Variants in TNRC6A observed in about 807,000 individuals in gnomAD.
TNRC6A encodes the protein trinucleotide repeat-containing gene 6A protein.
A neutral mutation model predicts 221.2 loss-of-function variants in TNRC6A; 44 were observed. The ratio of observed to expected loss-of-function variants is 0.20; its 90% confidence interval spans 0.16 to 0.26. The LOEUF is 0.26. Among genes scored for constraint, TNRC6A ranks in the 10% least tolerant of loss-of-function variants. The pLI is 1.00. For synonymous variants in TNRC6A, 847 were observed against 838.5 expected (o/e 1.01, Z -0.18); for missense variants, 2,199 against 2,404.4 (o/e 0.91, Z 1.79).
Position 24,777,058 on chromosome 16 carries a change from C to T in TNRC6A, c.289C>T (p.Gln97Ter). The change falls in exon 5 of 25, where the codon CAG becomes TAG. Residue 97 changes from glutamine to a stop codon, truncating the protein, a stop_gained. Transcript: ENST00000395799. LOFTEE classifies it high-confidence loss of function. ...RATANNQQPQ[Q>*]QQQQQQPQQQ... is the part of the protein sequence containing the mutation. ...TACAGCCAACAATCAGCAGCCACAGCAGCAGCAGCAACAGCAGCAGCCGCA... is the reference window on the plus strand; with the variant it reads ...TACAGCCAACAATCAGCAGCCACAGTAGCAGCAGCAACAGCAGCAGCCGCA... 1 of 1,607,888 alleles carries T rather than the reference C, an allele frequency of 6.2e-7. No homozygotes were observed. Among genetic ancestry groups the T allele is most frequent in the Non-Finnish European group, 8.5e-7 (1 of 1,175,558 alleles).
At chr16:24,647,759 G>A (rs909655273) in intron 2 of TNRC6A, among the ~76,000 whole-genome samples, 13 of 152,120 alleles carry the variant, frequency 8.5e-5, no homozygotes, top group East Asian at 3.9e-4. Context: ...TTACAGGCAC[G>A]CGCCACCATG....
chr16:24,709,257 CAA>C (rs34362957), intron 2 of TNRC6A, among the ~76,000 whole-genome samples: 21 of 146,098 alleles, frequency 1.4e-4, no homozygotes, highest in East Asian at 4.0e-4. Flanking sequence ...AACTCTGTCT[CAA>C]AAAAAAAAAA....
chr16:24,686,576 A>G (rs1391948510), intron 2 of TNRC6A, among the ~76,000 whole-genome samples: 2 of 152,076 alleles, frequency 1.3e-5, no homozygotes, highest in Non-Finnish European at 2.9e-5. Context: ...TTCATTTGTC[A>G]GTCATTTGAT....
Position 24,824,524 on chromosome 16 carries a change from G to A in TNRC6A, c.*717G>A, listed in dbSNP as rs1487190785. 1 of 151,656 alleles carries A rather than the reference G, an allele frequency of 6.6e-6. No individual in the cohort carries two copies. Among genetic ancestry groups the A allele is most frequent in the African/African-American group, 2.4e-5 (1 of 41,040 alleles). 9.4% of individuals were successfully genotyped at this position (151,656 alleles called of 1,614,324 possible). A position where few individuals can be genotyped will look rare whatever the true frequency, so the allele number is the denominator to read the frequency against. On this transcript the variant is annotated 3_prime_UTR_variant, in exon 25 of 25. Coordinates refer to ENST00000395799, the MANE Select transcript of TNRC6A (RefSeq NM_014494.4). ...GCACTTTGAATAGGCTTTCCATTTTGTTTTGGAGGTTCTCACTTTGAACCT... is the reference window on the plus strand; with the variant it reads ...GCACTTTGAATAGGCTTTCCATTTTATTTTGGAGGTTCTCACTTTGAACCT...
intron 18 of TNRC6A, among the ~76,000 whole-genome samples, chr16:24,810,361 A>AATGT (rs989466920): frequency 3.3e-5 from 5 of 152,046 alleles, no homozygotes; most frequent in African/African-American, 4.8e-5. Flanking sequence ...CTTACAGTTG[A>AATGT]ATGTATGTAT....
Position 24,777,096 on chromosome 16 carries a change from A to ACAGCAGCAGCCGCAGCAGCAGCAGCCG in TNRC6A, c.338_339insGCAGCAGCAGCAGCCGCAGCAGCAGCC (p.Gln106_Gln114dup). The ACAGCAGCAGCCGCAGCAGCAGCAGCCG allele has an allele frequency of 1.4e-6, 2 of 1,445,234 alleles. No individual in the cohort carries two copies. Among genetic ancestry groups the ACAGCAGCAGCCGCAGCAGCAGCAGCCG allele is most frequent in the Non-Finnish European group, 1.9e-6 (2 of 1,033,520 alleles). 89.5% of individuals were successfully genotyped at this position (1,445,234 alleles called of 1,614,324 possible). A position where few individuals can be genotyped will look rare whatever the true frequency, so the allele number is the denominator to read the frequency against. ...AGCAGCAGCCGCAGCAGCAGCAGCC[A>ACAGCAGCAGCCGCAGCAGCAGCAGCCG]CAGCAGCAGCCACAGCCGCAGCCGC... On this transcript the variant is annotated inframe_insertion, in exon 5 of 25. Transcript: ENST00000395799.
intron 1 of TNRC6A, among the ~76,000 whole-genome samples, chr16:24,618,362 C>A (rs1900485811): frequency 6.6e-6 from 1 of 152,226 alleles, no homozygotes; most frequent in East Asian, 1.9e-4. Flanking sequence ...CAGTACCCTA[C>A]TCCTGGTAGG....
intron 22 of TNRC6A, chr16:24,821,719 A>G (rs1596842025): frequency 4.3e-6 from 1 of 234,430 alleles, no homozygotes; most frequent in Non-Finnish European, 8.3e-6. Flanking sequence ...AAGGACACAC[A>G]CGCAGAGTGA....
intron 2 of TNRC6A, among the ~76,000 whole-genome samples, chr16:24,712,242 C>A (rs754561771): frequency 1.3e-5 from 2 of 152,090 alleles, no homozygotes; most frequent in Non-Finnish European, 2.9e-5. Context: ...CAACCTCAAG[C>A]GATCCTCCTG....
chr16:24,705,692 C>T (rs1237475244), intron 2 of TNRC6A, among the ~76,000 whole-genome samples: 1 of 152,066 alleles, frequency 6.6e-6, no homozygotes, highest in Non-Finnish European at 1.5e-5. Flanking sequence ...TTAGAGACTA[C>T]AAGAATATTT....
chr16:24,625,585 G>C (rs570793337), intron 1 of TNRC6A, among the ~76,000 whole-genome samples: 3 of 151,956 alleles, frequency 2.0e-5, no homozygotes, highest in Admixed American at 6.6e-5. Flanking sequence ...AATTAGCCGG[G>C]CGCGGTGGCG....
chr16:24,772,916 T>C (rs1236255692), intron 4 of TNRC6A, among the ~76,000 whole-genome samples: 1 of 152,252 alleles, frequency 6.6e-6, no homozygotes, highest in Non-Finnish European at 1.5e-5. Context: ...TTCCTGCCTC[T>C]TCTATAGTCA....
intron 2 of TNRC6A, chr16:24,670,998 G>A: frequency 2.5e-6 from 1 of 403,894 alleles, no homozygotes; most frequent in Non-Finnish European, 5.1e-6. Context: ...CCAGTCTCCT[G>A]GCAGCACATT....
intron 18 of TNRC6A, among the ~76,000 whole-genome samples, chr16:24,811,302 A>T (rs1157016282): frequency 6.6e-6 from 1 of 152,232 alleles, no homozygotes; most frequent in East Asian, 1.9e-4. Flanking sequence ...GTTCTGCATT[A>T]CAGAAGGGTT....
intron 1 of TNRC6A, among the ~76,000 whole-genome samples, chr16:24,629,496 A>G (rs1901220640): frequency 6.6e-6 from 1 of 152,180 alleles, no homozygotes; most frequent in Non-Finnish European, 1.5e-5. Flanking sequence ...TTAACTCACC[A>G]TTCCGCTTAG....
chr16:24,673,433 C>A (rs2055346646), intron 2 of TNRC6A, among the ~76,000 whole-genome samples: 1 of 152,300 alleles, frequency 6.6e-6, no homozygotes, highest in East Asian at 1.9e-4. Context: ...CGAGGGATGC[C>A]TGTAGGTCCA....
At chr16:24,743,226 T>C (rs1263468429) in intron 2 of TNRC6A, among the ~76,000 whole-genome samples, 1 of 152,226 alleles carries the variant, frequency 6.6e-6, no homozygotes, top group African/African-American at 2.4e-5. Context: ...CAGAGTACTT[T>C]GTAAATTGTA....
intron 2 of TNRC6A, among the ~76,000 whole-genome samples, chr16:24,641,577 G>T (rs968695504): frequency 5.3e-5 from 8 of 152,152 alleles, no homozygotes; most frequent in African/African-American, 1.9e-4. Flanking sequence ...GGAAGGAAAA[G>T]AGTTTCTGCT....
At chr16:24,792,654 A>G (rs2058133433) in intron 6 of TNRC6A, among the ~76,000 whole-genome samples, 1 of 117,098 alleles carries the variant, frequency 8.5e-6, no homozygotes, top group African/African-American at 3.4e-5. Flanking sequence ...GGACAACCTC[A>G]GCCTAATACT....
Sources: allele counts gnomAD v4.1 joint callset (sites outside exome capture counted in the v4.1 genomes callset), GRCh38; gene constraint gnomAD v4.1.1; transcripts MANE v1.5; gene names NCBI Gene and HGNC (gene_info 2026-07-23, HGNC 2026-07-21).